The following SLIT2 variants were observed in gnomAD, a reference collection of about 807,000 sequenced individuals.
SLIT2 encodes the protein slit guidance ligand 2.
A neutral mutation model predicts 185.7 loss-of-function variants in SLIT2; 41 were observed. That is an observed-to-expected ratio of 0.22 (90% CI 0.17 to 0.29). The LOEUF is 0.29. Among genes scored for constraint, SLIT2 ranks in the 10% least tolerant of loss-of-function variants. The pLI is 1.00. For synonymous variants in SLIT2, 693 were observed against 680.2 expected (o/e 1.02, Z -0.29); for missense variants, 1,571 against 1,909.0 (o/e 0.82, Z 3.30).
chr4:20,503,193 C>T (rs1718893224), intron 9 of SLIT2, among the ~76,000 whole-genome samples: 1 of 152,128 alleles, frequency 6.6e-6, no homozygotes, highest in East Asian at 1.9e-4. Context: ...TTATGTAGTT[C>T]ATATTTTACT....
At chr4:20,514,302 A>G (rs1720002782) in intron 11 of SLIT2, among the ~76,000 whole-genome samples, 1 of 152,208 alleles carries the variant, frequency 6.6e-6, no homozygotes, top group Non-Finnish European at 1.5e-5. Flanking sequence ...AAAACTATTT[A>G]AAGGTGATAT....
At chr4:20,339,090 C>CAAAAAAAA (rs398051113) in intron 4 of SLIT2, among the ~76,000 whole-genome samples, 10 of 70,740 alleles carry the variant, frequency 1.4e-4, no homozygotes, top group East Asian at 9.3e-4. Flanking sequence ...GAGACACTCT[C>CAAAAAAAA]AAAAAAAAAA....
At chr4:20,288,056 A>G (rs926385066) in intron 4 of SLIT2, among the ~76,000 whole-genome samples, 1 of 138,222 alleles carries the variant, frequency 7.2e-6, no homozygotes, top group African/African-American at 2.5e-5. Context: ...CACATAACAG[A>G]GTGTGTTTAT....
chr4:20,376,779 A>G (rs1201285098), intron 4 of SLIT2, among the ~76,000 whole-genome samples: 1 of 152,142 alleles, frequency 6.6e-6, no homozygotes, highest in Non-Finnish European at 1.5e-5. Context: ...AAGGACAGAA[A>G]ACCAAACACT....
chr4:20,495,000 A>C (rs577390938), intron 9 of SLIT2, among the ~76,000 whole-genome samples: 1 of 152,278 alleles, frequency 6.6e-6, no homozygotes, highest in South Asian at 2.1e-4. Context: ...AGAGACTTCT[A>C]GGAAAAATGA....
intron 4 of SLIT2, among the ~76,000 whole-genome samples, chr4:20,435,236 T>C (rs903008025): frequency 6.6e-6 from 1 of 152,176 alleles, no homozygotes; most frequent in African/African-American, 2.4e-5. Context: ...CTCTCTGGAG[T>C]GTAGGTGGCT....
chr4:20,449,677 GA>G (rs1269157447), intron 4 of SLIT2, among the ~76,000 whole-genome samples: 2 of 151,978 alleles, frequency 1.3e-5, no homozygotes, highest in African/African-American at 4.8e-5. Context: ...AAAGTGCTGG[GA>G]TTACACGCGT....
Position 20,258,301 on chromosome 4 carries a change from G to C in SLIT2, c.323+362G>C, listed in dbSNP as rs1037863881. The stretch of plus-strand genomic sequence containing the variant: ...CGTTAATGGTGCATTAGGGAAGAGA[G>C]AAGTTTTGCTAATTGTTATTTTCAT... On this transcript the variant is annotated intron_variant, in intron 3 of 36. Transcript: ENST00000504154. Among the ~76,000 whole-genome samples, 20 of 151,876 alleles carry C rather than the reference G, an allele frequency of 1.3e-4. No individual in the cohort carries two copies. The South Asian group carries it at 4.1e-3, about 32-fold the overall frequency.
chr4:20,586,790 T>C (rs1367085180), intron 29 of SLIT2, among the ~76,000 whole-genome samples: 3 of 152,074 alleles, frequency 2.0e-5, no homozygotes, highest in Non-Finnish European at 4.4e-5. Context: ...GAAGGGAACA[T>C]ATAATGGATG....
intron 5 of SLIT2, among the ~76,000 whole-genome samples, chr4:20,469,892 A>G (rs997782011): frequency 6.6e-6 from 1 of 150,926 alleles, no homozygotes; most frequent in African/African-American, 2.4e-5. Flanking sequence ...AGGACCTGGG[A>G]TTATAGGCAC....
chr4:20,467,732 T>TTTG lies in SLIT2; in HGVS notation c.396-8_396-6dup. On this transcript the variant is annotated intron_variant, in intron 4 of 36. Transcript: ENST00000504154. ...AATAATATTTTCTAACGTGATCCTT[T>TTTG]TTGTTGTTGTTGTTTTTAGTGATCT... is the stretch of plus-strand genomic sequence containing the variant. The TTTG allele has an allele frequency of 6.7e-7, 1 of 1,491,692 alleles. No individual in the cohort carries two copies. The highest frequency in any genetic ancestry group is 9.3e-7 in the Non-Finnish European group (1 of 1,079,094). The allele number at this position is 1,491,692 out of a possible 1,614,324, so 92.4% of individuals were successfully genotyped here.
intron 4 of SLIT2, among the ~76,000 whole-genome samples, chr4:20,459,016 A>C (rs1300456678): frequency 6.6e-6 from 1 of 152,222 alleles, no homozygotes; most frequent in Non-Finnish European, 1.5e-5. Context: ...CTTTTTATTA[A>C]CAGCAAGAAG....
intron 4 of SLIT2, among the ~76,000 whole-genome samples, chr4:20,271,970 C>T (rs758910242): frequency 5.3e-5 from 8 of 152,078 alleles, no homozygotes; most frequent in African/African-American, 1.2e-4. Flanking sequence ...TTGCTGCTAG[C>T]GGCCAAATAT....
intron 4 of SLIT2, among the ~76,000 whole-genome samples, chr4:20,439,949 A>G (rs1387874641): frequency 6.6e-6 from 1 of 152,190 alleles, no homozygotes; most frequent in Non-Finnish European, 1.5e-5. Flanking sequence ...AAAGCAGATC[A>G]CTTGCCATTT....
At chr4:20,265,754 T>C (rs1432416689) in intron 3 of SLIT2, among the ~76,000 whole-genome samples, 1 of 151,988 alleles carries the variant, frequency 6.6e-6, no homozygotes. Context: ...AAAACTTTGT[T>C]GTATTTACAA....
At chr4:20,340,909 T>C (rs1720913234) in intron 4 of SLIT2, among the ~76,000 whole-genome samples, 1 of 152,132 alleles carries the variant, frequency 6.6e-6, no homozygotes, top group Non-Finnish European at 1.5e-5. Flanking sequence ...CCAATAAATT[T>C]TGTAATATAT....
At chr4:20,462,672 A>G (rs1254840284) in intron 4 of SLIT2, among the ~76,000 whole-genome samples, 3 of 152,260 alleles carry the variant, frequency 2.0e-5, no homozygotes, top group South Asian at 2.1e-4. Flanking sequence ...CTGAAACTCA[A>G]TTTCCAGATT....
chr4:20,482,525 A>G (rs746458153), intron 6 of SLIT2, among the ~76,000 whole-genome samples: 5 of 151,968 alleles, frequency 3.3e-5, no homozygotes, highest in Non-Finnish European at 5.9e-5. Flanking sequence ...TGAAAACACA[A>G]TCATCTCATA....
intron 33 of SLIT2, among the ~76,000 whole-genome samples, chr4:20,602,734 A>T (rs569090752): frequency 3.9e-5 from 6 of 152,284 alleles, no homozygotes; most frequent in African/African-American, 1.4e-4. Context: ...GATTGTCTGC[A>T]TGTCTTCTCA....
Sources: gnomAD v4.1 joint callset for allele counts (sites outside exome capture counted in the v4.1 genomes callset) on GRCh38, gnomAD v4.1.1 for gene constraint, MANE v1.5 for transcripts, NCBI Gene and HGNC (gene_info 2026-07-23, HGNC 2026-07-21) for gene names.